Variants in DOCK3 observed in about 807,000 individuals in gnomAD.
DOCK3 encodes dedicator of cytokinesis protein 3.
Under a neutral mutation model 265.6 loss-of-function variants are expected in DOCK3, and 60 were observed. The ratio of observed to expected loss-of-function variants is 0.23; its 90% CI spans 0.18 to 0.28. DOCK3 has a LOEUF of 0.28. DOCK3 is among the 10% of genes least tolerant of loss of function. The probability of loss-of-function intolerance (pLI) is 1.00; values close to 1 mark genes in which losing one functional copy is unlikely to be tolerated. For missense variants in DOCK3, 1,981 were observed against 2,594.3 expected (o/e 0.76, Z 5.14); for synonymous variants, 881 against 938.0 (o/e 0.94, Z 1.11).
chr3:51,228,560 T>G, intron 17 of DOCK3, 101 bp from the exon 18 acceptor site: 1 of 1,347,590 alleles, frequency 7.4e-7, no homozygotes, highest in Non-Finnish European at 1.0e-6. Context: ...ACGTTCAGCC[T>G]TAGGAAGATG....
intron 21 of DOCK3, among the ~76,000 whole-genome samples, chr3:51,242,967 C>T (rs919112913): frequency 3.3e-5 from 5 of 152,152 alleles, no homozygotes; most frequent in Admixed American, 6.5e-5. Context: ...CCCCATCAAG[C>T]ATGGTCTGTG....
intron 12 of DOCK3, among the ~76,000 whole-genome samples, chr3:51,173,646 T>C (rs1234281190): frequency 6.6e-6 from 1 of 152,212 alleles, no homozygotes; most frequent in East Asian, 1.9e-4. Context: ...ATCATACCAC[T>C]TTCTTGTTTG....
chr3:50,802,709 C>G (rs1350123793), intron 2 of DOCK3, among the ~76,000 whole-genome samples: 1 of 151,982 alleles, frequency 6.6e-6, no homozygotes, highest in African/African-American at 2.4e-5. Context: ...AAAATTATTT[C>G]TTTGTCTTTG....
chr3:51,127,197 T>C (rs1258704623), intron 9 of DOCK3, among the ~76,000 whole-genome samples: 1 of 152,064 alleles, frequency 6.6e-6, no homozygotes, highest in African/African-American at 2.4e-5. Context: ...GGCAGCTGAA[T>C]AGATTGTGCC....
intron 9 of DOCK3, among the ~76,000 whole-genome samples, chr3:51,092,422 C>G (rs2082674132): frequency 6.6e-6 from 1 of 152,186 alleles, no homozygotes; most frequent in African/African-American, 2.4e-5. Context: ...TGGGCGGAGC[C>G]CACTGCAGCT....
chr3:51,011,889 C>T (rs1176649239), intron 5 of DOCK3, among the ~76,000 whole-genome samples: 1 of 152,190 alleles, frequency 6.6e-6, no homozygotes, highest in African/African-American at 2.4e-5. Context: ...TGGAGGTCCA[C>T]TCCAGATCCT....
chr3:51,367,970 T>A (rs1354776844), intron 49 of DOCK3, among the ~76,000 whole-genome samples: 1 of 152,246 alleles, frequency 6.6e-6, no homozygotes, highest in Non-Finnish European at 1.5e-5. Flanking sequence ...TTATGTGTCT[T>A]GGAGTTGCTC....
intron 23 of DOCK3, among the ~76,000 whole-genome samples, chr3:51,265,709 T>G (rs1349629433): frequency 6.6e-6 from 1 of 152,162 alleles, no homozygotes; most frequent in African/African-American, 2.4e-5. Flanking sequence ...CTCAAAGTAA[T>G]AAGAGCTATT....
Position 50,885,514 on chromosome 3 carries a change from C to T in DOCK3, c.163-4512C>T, listed in dbSNP as rs1299346584. Among the ~76,000 whole-genome samples, 5 of 152,138 alleles carry T rather than the reference C, an allele frequency of 3.3e-5. No homozygotes were observed. The South Asian group carries it at 6.2e-4, about 19-fold the overall frequency. On this transcript the variant is annotated intron_variant, in intron 3 of 52. Coordinates refer to ENST00000266037, the MANE Select transcript of DOCK3 (RefSeq NM_004947.5). ...TAAAGTGACTATACCATTTTGCATT[C>T]GTACCAGCAATGAATGAGGTTGAGT...
intron 1 of DOCK3, among the ~76,000 whole-genome samples, chr3:50,752,733 G>A (rs1186738596): frequency 6.6e-6 from 1 of 151,570 alleles, no homozygotes; most frequent in Non-Finnish European, 1.5e-5. Context: ...AGCCGAGATC[G>A]CACCACTACA....
chr3:51,142,943 A>G (rs547818051), intron 9 of DOCK3, among the ~76,000 whole-genome samples: 36 of 150,744 alleles, frequency 2.4e-4, no homozygotes, highest in Admixed American at 1.1e-3. Context: ...CTGGAGTGCA[A>G]TGGTACAATC....
chr3:51,252,030 A>T (rs928948045), intron 22 of DOCK3, among the ~76,000 whole-genome samples: 3 of 152,180 alleles, frequency 2.0e-5, no homozygotes, highest in Admixed American at 2.0e-4. Flanking sequence ...TCATGAATTA[A>T]TTTTTGTATA....
intron 5 of DOCK3, among the ~76,000 whole-genome samples, chr3:51,035,657 G>T (rs1322499220): frequency 6.6e-6 from 1 of 152,150 alleles, no homozygotes; most frequent in Non-Finnish European, 1.5e-5. Context: ...CCTAAACATT[G>T]TAAATGTTAT....
chr3:50,697,289 A>C (rs1034332134), intron 1 of DOCK3, among the ~76,000 whole-genome samples: 2 of 151,996 alleles, frequency 1.3e-5, no homozygotes, highest in Admixed American at 6.6e-5. Context: ...TGAAATGAAG[A>C]GTTTAAAGGA....
chr3:50,798,826 G>A (rs1374851950), intron 2 of DOCK3, among the ~76,000 whole-genome samples: 1 of 151,996 alleles, frequency 6.6e-6, no homozygotes, highest in African/African-American at 2.4e-5. Context: ...CATTTCTCCT[G>A]TTTACTTATA....
In DOCK3 at chr3:51,381,553, G is replaced by A; in HGVS notation, c.6087G>A (p.Glu2029=). 2.6e-6 allele frequency: 4 copies of A among 1,518,320 alleles called. No homozygotes were observed. The highest frequency in any genetic ancestry group is 1.3e-5 in the South Asian group (1 of 77,120). The allele number at this position is 1,518,320 out of a possible 1,614,324, so 94.1% of individuals were successfully genotyped here. Reference sequence around the variant, plus strand: ...TGGCCTGGGAGCACGGCCGAGGGGAGCAGTGAGGGGCAACGAGGCGGCTGG... The same window carrying A: ...TGGCCTGGGAGCACGGCCGAGGGGAACAGTGAGGGGCAACGAGGCGGCTGG... ...ARMAWEHGRG[E]Q Residue 2029 remains glutamate, a synonymous_variant, in exon 53 of 53, where the codon GAG becomes GAA. Coordinates refer to ENST00000266037, the MANE Select transcript of DOCK3 (RefSeq NM_004947.5). The surrounding 1 kb of genome is among the most constrained non-coding windows in gnomAD (Gnocchi z 5.6).
Position 51,002,112 on chromosome 3 carries a change from A to AT in DOCK3, c.316-62324dup, listed in dbSNP as rs879740299. 8.6e-3 allele frequency among the ~76,000 whole-genome samples: 1,264 copies of AT among 146,544 alleles called. 17 individuals carry two copies. Among genetic ancestry groups the AT allele is most frequent in the African/African-American group, 0.028 (1,120 of 40,228 alleles). ...AGGCACATATGACCATGCCCTGCTA[A>AT]TTTTTTTTTTTTGTTTGGTAGAGAC... On this transcript the variant is annotated intron_variant, in intron 5 of 52. Coordinates refer to ENST00000266037, the MANE Select transcript of DOCK3 (RefSeq NM_004947.5).
intron 12 of DOCK3, among the ~76,000 whole-genome samples, chr3:51,188,671 A>C (rs2087759188): frequency 6.6e-6 from 1 of 152,192 alleles, no homozygotes; most frequent in South Asian, 2.1e-4. Flanking sequence ...TCCCACATGT[A>C]AGTGAGAATG....
At chr3:50,834,323 A>C (rs1172430990) in intron 2 of DOCK3, among the ~76,000 whole-genome samples, 1 of 152,108 alleles carries the variant, frequency 6.6e-6, no homozygotes, top group Non-Finnish European at 1.5e-5. Context: ...TTGTTTAGGG[A>C]AGCCCCTATT....
Sources: gnomAD v4.1 joint callset for allele counts (sites outside exome capture counted in the v4.1 genomes callset) on GRCh38, gnomAD v4.1.1 for gene constraint, Gnocchi (gnomAD v3.1) non-coding constraint, MANE v1.5 for transcripts, NCBI Gene and HGNC (gene_info 2026-07-23, HGNC 2026-07-21) for gene names.